PSG11: variants seen among roughly 807,000 people sequenced by gnomAD.
The protein encoded by PSG11 is pregnancy specific beta-1-glycoprotein 11, also known as pregnancy-specific beta-1-glycoprotein 11.
Under a neutral mutation model 36.0 loss-of-function variants are expected in PSG11, and 42 were observed. The ratio of observed to expected loss-of-function variants is 1.17; its 90% CI spans 0.91 to 1.51. The LOEUF (loss-of-function observed/expected upper bound fraction) is 1.51. Ranked by LOEUF, PSG11 falls within the 40% of genes most tolerant of loss-of-function variation. The pLI, the probability that PSG11 is intolerant of heterozygous loss-of-function variation, is 0.00. For missense variants in PSG11, 558 were observed against 403.5 expected, an observed-to-expected ratio of 1.38 and a Z score of -3.28; for synonymous variants, 206 against 153.5, an observed-to-expected ratio of 1.34 and a Z score of -2.53.
chr19:43,024,618 T>A (rs12610796), intron 2 of PSG11, 73 bp downstream of exon 2: 254,121 of 1,605,454 alleles, frequency 0.16, 29,350 homozygotes, highest in East Asian at 0.54. Flanking sequence ...TGTCCAGGCC[T>A]GACAATCCTG....
intron 4 of PSG11, among the ~76,000 whole-genome samples, chr19:43,010,871 T>G (rs1269158350): frequency 3.8e-4 from 54 of 140,728 alleles, no homozygotes. Context: ...TCTAGTGTTT[T>G]ATGTGTTACC....
intron 2 of PSG11, chr19:43,019,720 G>A (rs1967056972): frequency 6.5e-6 from 1 of 153,392 alleles, no homozygotes; most frequent in Admixed American, 6.4e-5. Flanking sequence ...GACCTACAAA[G>A]AGTGAAGGGG....
rs200745040 is a variant in PSG11, at chr19:43,010,049, G to A, written c.965-8C>T. On this transcript the variant is annotated splice_polypyrimidine_tract_variant and splice_region_variant and intron_variant, in intron 4 of 5. Coordinates refer to ENST00000320078, the MANE Select transcript of PSG11 (RefSeq NM_002785.3). ...TTCCTAATCCTGGAGGAGCTGTCAT[G>A]GAAAGAAAAGAAAAGAAGGAATGAA... is the stretch of plus-strand genomic sequence containing the variant. The A allele has an allele frequency of 1.5e-5, 24 of 1,607,920 alleles. 2 individuals carry two copies. Among genetic ancestry groups the A allele is most frequent in the Admixed American group, 5.0e-5 (3 of 59,780 alleles).
intron 5 of PSG11, among the ~76,000 whole-genome samples, chr19:43,008,815 C>T (rs1449662714): frequency 6.6e-6 from 1 of 151,226 alleles, no homozygotes; most frequent in Non-Finnish European, 1.5e-5. Flanking sequence ...TCCAGTACTT[C>T]TAGCTGAAAA....
chr19:43,010,244 C>A, intron 4 of PSG11: 1 of 1,454,140 alleles, frequency 6.9e-7, no homozygotes, highest in South Asian at 1.5e-5. Flanking sequence ...GTGATCAGTC[C>A]TCTGTCAATT....
At position 43,026,432 on chromosome 19, in the gene PSG11, A is replaced by G. The variant is rs764356090; in HGVS notation, c.-60T>C. The G allele has an allele frequency of 6.3e-7, 1 of 1,591,994 alleles. No individual in the cohort carries two copies. Among genetic ancestry groups the G allele is most frequent in the Non-Finnish European group, 8.6e-7 (1 of 1,165,792 alleles). On this transcript the variant is annotated 5_prime_UTR_variant, in exon 1 of 6. Coordinates refer to ENST00000320078, the MANE Select transcript of PSG11 (RefSeq NM_002785.3). ...ATGAGCCTAGGATCCAGAAGCTTCC[A>G]GAGCACGGCTGTCAGCTGTGCTGTC... is the stretch of plus-strand genomic sequence containing the variant.
At position 43,018,545 on chromosome 19, in the gene PSG11, A is replaced by G. The variant is rs968675934; in HGVS notation, c.709+225T>C. 207 of 1,053,418 alleles carry G rather than the reference A, an allele frequency of 2.0e-4. 3 individuals carry two copies. Among genetic ancestry groups the G allele is most frequent in the Non-Finnish European group, 2.3e-4 (171 of 736,452 alleles). The allele number at this position is 1,053,418 out of a possible 1,614,324, so 65.3% of individuals were successfully genotyped here. A position where few individuals can be genotyped will look rare whatever the true frequency, so the allele number is the denominator to read the frequency against. Reference sequence around the variant, plus strand: ...ACATTCACCTGTTTCTCCCATCACAATCTGTGGACCCTGAGCCTCCCATGA... The same window carrying G: ...ACATTCACCTGTTTCTCCCATCACAGTCTGTGGACCCTGAGCCTCCCATGA... On this transcript the variant is annotated intron_variant, in intron 3 of 5. Transcript: ENST00000320078.
At chr19:43,020,001 C>T (rs8104400) in intron 2 of PSG11, among the ~76,000 whole-genome samples, 99,638 of 150,190 alleles carry the variant, frequency 0.66, 35,106 homozygotes, top group East Asian at 0.99. Flanking sequence ...GACATTCTAC[C>T]CTCTGATTCT....
rs1280214433 is a variant in PSG11 at position 43,021,432 on chromosome 19, A to G, written c.431-2384T>C. On this transcript the variant is annotated intron_variant, in intron 2 of 5. Coordinates refer to ENST00000320078, the MANE Select transcript of PSG11 (RefSeq NM_002785.3). Reference sequence around the variant, plus strand: ...AGTGGCATGATCTCAGCTCACTGCAAGCTCCACCTCCCGGGTTCACACCAT... The same window carrying G: ...AGTGGCATGATCTCAGCTCACTGCAGGCTCCACCTCCCGGGTTCACACCAT... 3.3e-5 allele frequency among the ~76,000 whole-genome samples: 5 copies of G among 151,118 alleles called. 1 individual carries two copies. The highest frequency in any genetic ancestry group is 7.4e-5 in the Non-Finnish European group (5 of 67,816).
intron 3 of PSG11, 109 bp from the exon 4 acceptor site, chr19:43,015,479 C>G (rs143942154): frequency 6.3e-5 from 88 of 1,397,154 alleles, no homozygotes; most frequent in Admixed American, 3.3e-4. Context: ...ACCCTCAAGT[C>G]CCAGCCAAAC....
chr19:43,013,481 A>G (rs1966884739), intron 4 of PSG11, among the ~76,000 whole-genome samples: 1 of 151,468 alleles, frequency 6.6e-6, no homozygotes, highest in Non-Finnish European at 1.5e-5. Flanking sequence ...AGGAAGGAAC[A>G]CAAATATCCA....
At chr19:43,008,970 G>A (rs1599665937) in intron 5 of PSG11, among the ~76,000 whole-genome samples, 1 of 151,050 alleles carries the variant, frequency 6.6e-6, no homozygotes, top group East Asian at 1.9e-4. Flanking sequence ...GGTGGGGCTT[G>A]AGCATCCTCT....
intron 3 of PSG11, chr19:43,017,260 T>G (rs1966990763): frequency 6.6e-6 from 1 of 151,618 alleles, no homozygotes; most frequent in Admixed American, 6.6e-5. Flanking sequence ...TTTTTGATTC[T>G]GAAATATTTG....
At chr19:43,018,076 C>T (rs547812737) in intron 3 of PSG11, among the ~76,000 whole-genome samples, 1 of 151,208 alleles carries the variant, frequency 6.6e-6, no homozygotes, top group Non-Finnish European at 1.5e-5. Context: ...ATAGACTTCC[C>T]TGGAAAACAT....
At chr19:43,023,111 C>CCCG (rs1967143439) in intron 2 of PSG11, among the ~76,000 whole-genome samples, 1 of 149,448 alleles carries the variant, frequency 6.7e-6, no homozygotes, top group African/African-American at 2.5e-5. Flanking sequence ...CAAGGAGCCC[C>CCCG]GAGAACCCTC....
At chr19:43,023,185 G>C (rs1967145886) in intron 2 of PSG11, among the ~76,000 whole-genome samples, 1 of 150,410 alleles carries the variant, frequency 6.6e-6, no homozygotes, top group African/African-American at 2.5e-5. Context: ...AGGTAGTGGG[G>C]GGATGAAACA....
chr19:43,026,255 A>G, intron 1 of PSG11, 54 bp downstream of exon 1: 1 of 1,605,262 alleles, frequency 6.2e-7, no homozygotes, highest in Non-Finnish European at 8.5e-7. Context: ...AGGAGACCCC[A>G]TCCAGTCACT....
At position 43,016,404 on chromosome 19, in the gene PSG11, G is replaced by T. The variant is rs950470586; in HGVS notation, c.710-1034C>A. On this transcript the variant is annotated intron_variant, in intron 3 of 5. Transcript: ENST00000320078. ...CTTACCTGGAATGTGCAACTGCTGG[G>T]CCCCTTCCAAATTCCATCCTACTTT... Among the ~76,000 whole-genome samples the T allele has an allele frequency of 1.3e-4, 19 of 151,086 alleles. 1 individual carries two copies. The highest frequency in any genetic ancestry group is 3.7e-4 in the African/African-American group (15 of 40,848).
chr19:43,020,911 A>T (rs1305496876), intron 2 of PSG11, among the ~76,000 whole-genome samples: 2 of 151,470 alleles, frequency 1.3e-5, no homozygotes, highest in Non-Finnish European at 2.9e-5. Context: ...CTCAGGAAAC[A>T]CCACTAGAGT....
Sources: allele counts gnomAD v4.1 joint callset (sites outside exome capture counted in the v4.1 genomes callset), GRCh38; gene constraint gnomAD v4.1.1; transcripts MANE v1.5; gene names NCBI Gene and HGNC (gene_info 2026-07-23, HGNC 2026-07-21).